Variants in EYS observed in about 807,000 individuals in gnomAD.
The protein encoded by EYS is protein eyes shut homolog.
In EYS, 250 loss-of-function variants were observed where a neutral mutation model predicts 282.1. The ratio of observed to expected loss-of-function variants is 0.89; its 90% CI spans 0.80 to 0.98. EYS has a LOEUF of 0.98. Among genes scored for constraint, EYS ranks in the 50% least tolerant of loss-of-function variants. EYS has a pLI of 0.00. For synonymous variants in EYS, 1,355 were observed against 1,282.9 expected (o/e 1.06, Z -1.20); for missense variants, 4,016 against 3,709.0 (o/e 1.08, Z -2.15).
intron 22 of EYS, among the ~76,000 whole-genome samples, chr6:64,679,516 C>T (rs905171185): frequency 1.3e-5 from 2 of 152,026 alleles, no homozygotes; most frequent in Admixed American, 6.6e-5. Flanking sequence ...TACATTGATT[C>T]TATCTGTAGA....
rs151184002 is a variant in EYS at position 64,292,565 on chromosome 6, G to A, written c.6191+14405C>T. Among the ~76,000 whole-genome samples the A allele has an allele frequency of 5.6e-4, 85 of 152,164 alleles. 1 individual carries two copies. In the South Asian group the frequency reaches 9.8e-3, roughly 17 times the overall value. On this transcript the variant is annotated intron_variant, in intron 30 of 42. Coordinates refer to ENST00000503581, the MANE Select transcript of EYS (RefSeq NM_001142800.2). ...AGCAGATCTTTAAGATTTGAGGTAA[G>A]AGTAGTCAAGGTATTTCTAAGATCG...
intron 13 of EYS, among the ~76,000 whole-genome samples, chr6:65,034,222 C>T (rs1054311184): frequency 4.6e-5 from 7 of 152,108 alleles, no homozygotes; most frequent in African/African-American, 1.7e-4. Context: ...ATTCATTTTA[C>T]AGGATCACAT....
intron 19 of EYS, among the ~76,000 whole-genome samples, chr6:64,876,194 T>C (rs1025489629): frequency 6.6e-6 from 1 of 152,118 alleles, no homozygotes; most frequent in African/African-American, 2.4e-5. Flanking sequence ...ACATATATTG[T>C]ATTTTAATTT....
intron 22 of EYS, among the ~76,000 whole-genome samples, chr6:64,635,819 AG>A (rs1767956944): frequency 6.6e-6 from 1 of 152,216 alleles, no homozygotes; most frequent in Non-Finnish European, 1.5e-5. Context: ...CTTTGGTATC[AG>A]GATGATGCTG....
intron 32 of EYS, among the ~76,000 whole-genome samples, chr6:64,075,205 T>C (rs111604082): frequency 0.013 from 2,020 of 151,998 alleles, 45 homozygotes; most frequent in African/African-American, 0.037. Flanking sequence ...CAGCAGTTGC[T>C]CATGATTTTA....
intron 13 of EYS, among the ~76,000 whole-genome samples, chr6:65,018,198 C>G (rs1361563311): frequency 6.6e-6 from 1 of 152,210 alleles, no homozygotes; most frequent in South Asian, 2.1e-4. Context: ...GCACCACAAA[C>G]TGGGTGGCTT....
intron 22 of EYS, among the ~76,000 whole-genome samples, chr6:64,767,030 G>T (rs1773373370): frequency 6.6e-6 from 1 of 151,738 alleles, no homozygotes; most frequent in Non-Finnish European, 1.5e-5. Context: ...TGATATCACT[G>T]GGGTTAACCT....
At chr6:64,793,387 G>C (rs1774251758) in intron 22 of EYS, among the ~76,000 whole-genome samples, 1 of 152,112 alleles carries the variant, frequency 6.6e-6, no homozygotes. Flanking sequence ...CTGGGAGGAA[G>C]AATACTGGGC....
At chr6:63,915,445 G>T (rs385927) in intron 35 of EYS, among the ~76,000 whole-genome samples, 151,962 of 152,370 alleles carry the variant, frequency 1, 75,778 homozygotes, top group Middle Eastern at 1. Flanking sequence ...TTGTTGGAGA[G>T]GCACAAGGAG....
intron 22 of EYS, among the ~76,000 whole-genome samples, chr6:64,671,673 A>T (rs2149896673): frequency 6.6e-6 from 1 of 152,238 alleles, no homozygotes; most frequent in East Asian, 1.9e-4. Context: ...TACACATCTG[A>T]CAGTTCTGTT....
In EYS at chr6:64,925,929, A is replaced by G. The variant is rs1020285975; in HGVS notation, c.2382-13186T>C. Among the ~76,000 whole-genome samples the G allele has an allele frequency of 4.6e-5, 7 of 152,206 alleles. No individual in the cohort carries two copies. In the South Asian group the frequency reaches 1.0e-3, roughly 23 times the overall value. On this transcript the variant is annotated intron_variant, in intron 15 of 42. Coordinates refer to ENST00000503581, the MANE Select transcript of EYS (RefSeq NM_001142800.2). ...CTCGGGTCCCTAGAATAACTTCCCA[A>G]TGAGGAGCAGAATAATCATTGCTGG...
chr6:64,508,863 T>C (rs1307094215), intron 26 of EYS, among the ~76,000 whole-genome samples: 1 of 151,978 alleles, frequency 6.6e-6, no homozygotes, highest in African/African-American at 2.4e-5. Context: ...GGAGCTAATT[T>C]CCTTACTGTA....
At chr6:65,180,762 C>G (rs1427055277) in intron 12 of EYS, among the ~76,000 whole-genome samples, 2 of 152,002 alleles carry the variant, frequency 1.3e-5, no homozygotes, top group Non-Finnish European at 2.9e-5. Flanking sequence ...AATCCTAAGC[C>G]AAAAGAACAA....
intron 41 of EYS, among the ~76,000 whole-genome samples, chr6:63,761,529 G>A (rs992267637): frequency 1.3e-5 from 2 of 151,964 alleles, no homozygotes; most frequent in Non-Finnish European, 2.9e-5. Flanking sequence ...TAATATATTT[G>A]ATAAAGTGAT....
At chr6:65,648,556 A>G (rs1029163813) in intron 1 of EYS, among the ~76,000 whole-genome samples, 5 of 151,990 alleles carry the variant, frequency 3.3e-5, no homozygotes, top group African/African-American at 9.7e-5. Context: ...GACTTGGGAG[A>G]AATGGTGGGA....
chr6:63,909,421 A>G (rs67310040), intron 35 of EYS, among the ~76,000 whole-genome samples: 7,912 of 152,272 alleles, frequency 0.052, 227 homozygotes, highest in African/African-American at 0.071. Flanking sequence ...ACCGACATAT[A>G]TTTCTGACTG....
chr6:65,546,525 C>T lies in EYS; in HGVS notation c.-332-50532G>A, dbSNP rs60827455. On this transcript the variant is annotated intron_variant, in intron 2 of 42. Coordinates refer to ENST00000503581, the MANE Select transcript of EYS (RefSeq NM_001142800.2). ...GACTTACAAAGAGTTTTATTCTCCA[C>T]TAGACAACATTCATTTGTATTTTTT... 4.9e-3 allele frequency among the ~76,000 whole-genome samples: 738 copies of T among 152,124 alleles called. 2 individuals are homozygous for T. The highest frequency in any genetic ancestry group is 0.016 in the African/African-American group (669 of 41,508).
Position 64,081,879 on chromosome 6 carries a change from CTG to C in EYS, c.6546_6547del (p.Asn2182LysfsTer10), listed in dbSNP as rs1562190774. The C allele has an allele frequency of 6.5e-7, 1 of 1,538,512 alleles. No individual in the cohort carries two copies. The highest frequency in any genetic ancestry group is 2.0e-5 in the Admixed American group (1 of 50,286). The stretch of plus-strand genomic sequence containing the variant: ...ACTGTAAAGAATAGTTCCATTTAAA[CTG>C]TTTGTTTTTATAGTCAAGTAGATGG... On this transcript the variant is annotated frameshift_variant, in exon 32 of 43. Transcript: ENST00000503581. LOFTEE classifies it high-confidence loss of function.
chr6:63,727,154 A>AT (rs56938467), intron 41 of EYS, among the ~76,000 whole-genome samples: 13,285 of 148,608 alleles, frequency 0.089, 616 homozygotes, highest in East Asian at 0.17. Context: ...TAATATATTG[A>AT]TTTTTTTTTT....
Sources: gnomAD v4.1 joint callset for allele counts (sites outside exome capture counted in the v4.1 genomes callset) on GRCh38, gnomAD v4.1.1 for gene constraint, MANE v1.5 for transcripts, NCBI Gene and HGNC (gene_info 2026-07-23, HGNC 2026-07-21) for gene names.